The following BACH2 variants were observed in gnomAD, a reference collection of about 807,000 sequenced individuals.
BACH2 encodes transcription regulator protein BACH2.
Under a neutral mutation model 61.8 loss-of-function variants are expected in BACH2, and 5 were observed. That is an observed-to-expected ratio of 0.08 (90% confidence interval 0.04 to 0.17). The LOEUF is 0.17. Among genes scored for constraint, BACH2 ranks in the 10% least tolerant of loss-of-function variants. The pLI, the probability that BACH2 is intolerant of heterozygous loss-of-function variation, is 1.00. For missense variants in BACH2, 824 were observed against 1,091.1 expected (o/e 0.76, Z 3.45); for synonymous variants, 446 against 440.1 (o/e 1.01, Z -0.17).
At position 90,089,668 on chromosome 6, in the gene BACH2, A is replaced by C. The variant is rs4707598; in HGVS notation, c.-161-559T>G. On this transcript the variant is annotated intron_variant, in intron 4 of 8. Transcript: ENST00000257749. Reference sequence around the variant, plus strand: ...AAACATACAGAAAAATAAAGAAAAAAATAAAGATCAATGGTAACCTTGACA... The same window carrying C: ...AAACATACAGAAAAATAAAGAAAAACATAAAGATCAATGGTAACCTTGACA... Among the ~76,000 whole-genome samples, 1,146 of 152,254 alleles carry C rather than the reference A, an allele frequency of 7.5e-3. 51 individuals carry two copies. The highest frequency in any genetic ancestry group is 0.07 in the Admixed American group (1,074 of 15,282).
chr6:90,294,489 A>T (rs1772275971), intron 1 of BACH2, among the ~76,000 whole-genome samples: 2 of 152,228 alleles, frequency 1.3e-5, no homozygotes, highest in South Asian at 4.1e-4. Flanking sequence ...AGCCACTCAA[A>T]GTTTTGTGGT....
chr6:90,065,150 T>C (rs914950402), intron 5 of BACH2, among the ~76,000 whole-genome samples: 2 of 151,334 alleles, frequency 1.3e-5, no homozygotes, highest in Non-Finnish European at 2.9e-5. Context: ...AGCCTATACA[T>C]TGATAAACTA....
intron 6 of BACH2, among the ~76,000 whole-genome samples, chr6:89,990,559 C>A (rs551988123): frequency 5.3e-5 from 8 of 151,708 alleles, no homozygotes; most frequent in Non-Finnish European, 8.8e-5. Flanking sequence ...CATTTCTAAT[C>A]AGTTTGCAAG....
At chr6:90,180,381 A>C (rs1256811613) in intron 4 of BACH2, among the ~76,000 whole-genome samples, 1 of 152,200 alleles carries the variant, frequency 6.6e-6, no homozygotes, top group Non-Finnish European at 1.5e-5. Context: ...CTAATACTTA[A>C]AAATGTTATT....
intron 6 of BACH2, among the ~76,000 whole-genome samples, chr6:89,994,857 A>T: frequency 6.6e-6 from 1 of 152,238 alleles, no homozygotes; most frequent in East Asian, 1.9e-4. Flanking sequence ...TTACATTTCT[A>T]CCATTCACAG....
intron 7 of BACH2, among the ~76,000 whole-genome samples, chr6:89,940,467 TC>T: frequency 6.6e-6 from 1 of 152,318 alleles, no homozygotes; most frequent in African/African-American, 2.4e-5. Flanking sequence ...TCACTCCCCT[TC>T]CCGAGGCTCT....
chr6:90,049,876 A>C (rs117542722), intron 5 of BACH2, among the ~76,000 whole-genome samples: 1,703 of 152,344 alleles, frequency 0.011, 16 homozygotes, highest in South Asian at 0.014. Context: ...AAGCTGCACA[A>C]GTAACTGTTT....
chr6:89,960,889 G>A (rs941294575), intron 6 of BACH2, among the ~76,000 whole-genome samples: 3 of 152,168 alleles, frequency 2.0e-5, no homozygotes, highest in African/African-American at 4.8e-5. Flanking sequence ...GCTATATAAT[G>A]GCTGAAACTG....
At chr6:90,204,206 G>T (rs1481780007) in intron 4 of BACH2, among the ~76,000 whole-genome samples, 1 of 152,152 alleles carries the variant, frequency 6.6e-6, no homozygotes, top group Non-Finnish European at 1.5e-5. Context: ...AGAAAGGAGA[G>T]CATTACAGTG....
At chr6:90,204,946 A>G (rs1582482152) in intron 4 of BACH2, among the ~76,000 whole-genome samples, 1 of 152,176 alleles carries the variant, frequency 6.6e-6, no homozygotes, top group East Asian at 1.9e-4. Flanking sequence ...AGCCAAACAA[A>G]AACTCCTCAA....
At chr6:90,136,388 G>A (rs1297335871) in intron 4 of BACH2, among the ~76,000 whole-genome samples, 1 of 152,300 alleles carries the variant, frequency 6.6e-6, no homozygotes. Context: ...CAGTAGCTGC[G>A]GAATCTCTGA....
intron 4 of BACH2, among the ~76,000 whole-genome samples, chr6:90,154,494 C>A (rs1170606881): frequency 1.3e-5 from 2 of 152,106 alleles, no homozygotes; most frequent in African/African-American, 2.4e-5. Context: ...TTCTCAAGGC[C>A]ACTCTATACT....
At chr6:89,953,250 GA>G (rs1323898097) in intron 6 of BACH2, 3 of 152,196 alleles carry the variant, frequency 2.0e-5, no homozygotes, top group Non-Finnish European at 4.4e-5. Flanking sequence ...TCCTCTTAGA[GA>G]GAATGAATGA....
intron 4 of BACH2, 98 bp downstream of exon 4, chr6:90,206,471 G>C (rs1460463620): frequency 6.6e-6 from 1 of 152,402 alleles, no homozygotes; most frequent in African/African-American, 2.4e-5. Context: ...TCTGGCAGGA[G>C]AAGCAACCTC....
chr6:90,022,448 T>A (rs553814010), intron 5 of BACH2, among the ~76,000 whole-genome samples: 1 of 152,152 alleles, frequency 6.6e-6, no homozygotes, highest in South Asian at 2.1e-4. Flanking sequence ...GCTGGGTATA[T>A]TAGTGCATGC....
chr6:90,004,434 G>A (rs144688702), intron 6 of BACH2, among the ~76,000 whole-genome samples: 13 of 152,242 alleles, frequency 8.5e-5, no homozygotes, highest in South Asian at 2.1e-4. Context: ...GCATGAACCC[G>A]TCCCCTTCTC....
At chr6:90,031,118 A>T (rs1235703730) in intron 5 of BACH2, among the ~76,000 whole-genome samples, 5 of 152,118 alleles carry the variant, frequency 3.3e-5, no homozygotes, top group Non-Finnish European at 5.9e-5. Flanking sequence ...TGATTATCTC[A>T]ATAGATGCAG....
chr6:90,053,534 C>T (rs1295667410), intron 5 of BACH2, among the ~76,000 whole-genome samples: 2 of 152,130 alleles, frequency 1.3e-5, no homozygotes, highest in African/African-American at 2.4e-5. Context: ...CTGGCTTGAC[C>T]TCCCAAAATG....
rs1361183866 is a variant in BACH2, at chr6:90,296,467, G to A, written c.-446+13C>T. ...CCAGCGGCGGGGCCCGGGGCCCGGGGCCCGGGACTCACCTCGCCGGAGAAC... is the reference window on the plus strand; with the variant it reads ...CCAGCGGCGGGGCCCGGGGCCCGGGACCCGGGACTCACCTCGCCGGAGAAC... On this transcript the variant is annotated intron_variant, in intron 1 of 8. Transcript: ENST00000257749. 6.6e-6 allele frequency: 1 copy of A among 150,934 alleles called. No individual in the cohort carries two copies. Among genetic ancestry groups the A allele is most frequent in the Non-Finnish European group, 1.5e-5 (1 of 67,548 alleles). 9.3% of individuals were successfully genotyped at this position (150,934 alleles called of 1,614,324 possible).
Sources: allele counts gnomAD v4.1 joint callset (sites outside exome capture counted in the v4.1 genomes callset), GRCh38; gene constraint gnomAD v4.1.1; transcripts MANE v1.5; gene names NCBI Gene and HGNC (gene_info 2026-07-23, HGNC 2026-07-21).